Variants in MAP3K5 observed in about 807,000 individuals in gnomAD.
MAP3K5 encodes mitogen-activated protein kinase kinase kinase 5.
In MAP3K5, 56 loss-of-function variants were observed where a neutral mutation model predicts 158.7. That is an observed-to-expected ratio of 0.35 (90% CI 0.28 to 0.44). The LOEUF is 0.44. Among genes scored for constraint, MAP3K5 ranks in the 20% least tolerant of loss-of-function variants. MAP3K5 has a pLI of 1.00. For synonymous variants in MAP3K5, 579 were observed against 601.7 expected (o/e 0.96, Z 0.55); for missense variants, 1,294 against 1,674.8 (o/e 0.77, Z 3.97).
chr6:136,731,246 C>T (rs540158173), intron 1 of MAP3K5, among the ~76,000 whole-genome samples: 6 of 152,178 alleles, frequency 3.9e-5, no homozygotes, highest in East Asian at 3.9e-4. Context: ...CATTTCTAAC[C>T]GATCATTTTG....
At chr6:136,723,803 C>T (rs1217485565) in intron 1 of MAP3K5, among the ~76,000 whole-genome samples, 2 of 152,160 alleles carry the variant, frequency 1.3e-5, no homozygotes, top group Non-Finnish European at 2.9e-5. Context: ...AATGGGAAGA[C>T]AGGTCAAAGG....
chr6:136,711,667 A>C (rs577387820), intron 2 of MAP3K5, among the ~76,000 whole-genome samples: 107 of 116,384 alleles, frequency 9.2e-4, no homozygotes, highest in Non-Finnish European at 1.6e-3. Flanking sequence ...ACCTCTCAAA[A>C]AAAAAAAGAA....
At chr6:136,637,275 A>G (rs1224976033) in intron 14 of MAP3K5, 50 bp downstream of exon 14, 5 of 1,432,958 alleles carry the variant, frequency 3.5e-6, no homozygotes, top group Non-Finnish European at 3.9e-6. Context: ...GGCTTCAAAT[A>G]GTTTGTTTTA....
chr6:136,669,292 G>A lies in MAP3K5; in HGVS notation c.1357C>T (p.Arg453Trp), dbSNP rs376994168. 6.2e-6 allele frequency: 10 copies of A among 1,610,416 alleles called. No individual in the cohort carries two copies. The highest frequency in any genetic ancestry group is 8.5e-6 in the Non-Finnish European group (10 of 1,177,376). ...GHQFESSFEL[R>W]KVGVKLSSLL... ...ATCAAGTTGTAATTACCAACTTTCC[G>A]GAGCTCAAAGGAAGATTCAAACTGG... The change falls in exon 8 of 30, where the codon CGG becomes TGG. Residue 453 changes from arginine (R) to tryptophan (W), a missense_variant. Transcript: ENST00000359015.
chr6:136,716,653 C>T (rs1781542532), intron 2 of MAP3K5, among the ~76,000 whole-genome samples: 2 of 152,166 alleles, frequency 1.3e-5, no homozygotes, highest in South Asian at 2.1e-4. Context: ...ACTTACTCAC[C>T]ACTTACTGAG....
At chr6:136,760,033 T>C (rs138267290) in intron 1 of MAP3K5, among the ~76,000 whole-genome samples, 1,809 of 152,258 alleles carry the variant, frequency 0.012, 28 homozygotes, top group African/African-American at 0.041. Context: ...AAGAGAGAAA[T>C]GAAAATAATT....
At chr6:136,777,538 T>C (rs1387693856) in intron 1 of MAP3K5, among the ~76,000 whole-genome samples, 1 of 152,186 alleles carries the variant, frequency 6.6e-6, no homozygotes, top group African/African-American at 2.4e-5. Flanking sequence ...ATCTAGGAGA[T>C]GTCATGGAAG....
At chr6:136,783,041 C>T (rs1386560916) in intron 1 of MAP3K5, among the ~76,000 whole-genome samples, 3 of 152,164 alleles carry the variant, frequency 2.0e-5, no homozygotes, top group Admixed American at 6.5e-5. Flanking sequence ...CAGTGGCCCA[C>T]GCCTGTAATC....
intron 3 of MAP3K5, among the ~76,000 whole-genome samples, chr6:136,700,269 A>G (rs189168127): frequency 2.4e-4 from 37 of 152,218 alleles, no homozygotes; most frequent in Admixed American, 2.4e-3. Context: ...AAGGGAAGAG[A>G]TATGAGGTTT....
In MAP3K5 at chr6:136,592,307, G is replaced by A; in HGVS notation, c.3091C>T (p.Pro1031Ser). Residue 1031 changes from proline (P) to serine (S), a missense_variant, in exon 23 of 30, where the codon CCT becomes TCT. By Grantham distance (74) the Pro-to-Ser change is moderately conservative (BLOSUM62 -1). Around this residue, in one of 5 missense-constraint regions of MAP3K5, gnomAD observed 362 missense variants for 463.2 expected, o/e 0.78. Coordinates refer to ENST00000359015, the MANE Select transcript of MAP3K5 (RefSeq NM_005923.4). ...GAATCTTTTTCTTCAGGGGAAGGAG[G>A]AGCACTGTGATCTTCAAAATTCTCA... ...PDENFEDHSA[P>S]PSPEEKDSGF... 1.9e-6 allele frequency: 3 copies of A among 1,599,900 alleles called. No homozygotes were observed. The highest frequency in any genetic ancestry group is 1.7e-6 in the Non-Finnish European group (2 of 1,174,238).
chr6:136,637,416 A>T lies in MAP3K5; in HGVS notation c.1935-10T>A. The stretch of plus-strand genomic sequence containing the variant: ...CACCATCTCAAAAAACCTACAATAC[A>T]AGTTAGCACGTGAGCATTCATAACA... On this transcript the variant is annotated splice_polypyrimidine_tract_variant and intron_variant, in intron 13 of 29. Transcript: ENST00000359015. The T allele has an allele frequency of 6.7e-7, 1 of 1,482,120 alleles. No homozygotes were observed. The highest frequency in any genetic ancestry group is 9.4e-7 in the Non-Finnish European group (1 of 1,059,500). 91.8% of individuals were successfully genotyped at this position (1,482,120 alleles called of 1,614,324 possible).
At chr6:136,582,271 T>TACAC (rs1385594552) in intron 24 of MAP3K5, among the ~76,000 whole-genome samples, 1 of 136,410 alleles carries the variant, frequency 7.3e-6, no homozygotes, top group African/African-American at 2.8e-5. Context: ...TACGTGTGTG[T>TACAC]GTGTGTGTGT....
At chr6:136,767,384 G>C (rs1380893286) in intron 1 of MAP3K5, among the ~76,000 whole-genome samples, 1 of 151,976 alleles carries the variant, frequency 6.6e-6, no homozygotes, top group East Asian at 1.9e-4. Context: ...GGGGACTAAA[G>C]GAAGGGAGGG....
Position 136,557,716 on chromosome 6 carries a change from T to C in MAP3K5, c.*42A>G. On this transcript the variant is annotated 3_prime_UTR_variant, in exon 30 of 30. Transcript: ENST00000359015. ...CACCCCCAAGAAGATCAGCTCTGTA[T>C]TAATTTTTAGAATTTCCATCGAAGA... 1 of 1,464,186 alleles carries C rather than the reference T, an allele frequency of 6.8e-7. No individual in the cohort carries two copies. Among genetic ancestry groups the C allele is most frequent in the South Asian group, 1.1e-5 (1 of 88,106 alleles). The allele number at this position is 1,464,186 out of a possible 1,614,324, so 90.7% of individuals were successfully genotyped here.
At chr6:136,763,535 G>GA (rs1215820743) in intron 1 of MAP3K5, among the ~76,000 whole-genome samples, 4 of 151,950 alleles carry the variant, frequency 2.6e-5, no homozygotes, top group Admixed American at 2.0e-4. Flanking sequence ...TTTACAGAGG[G>GA]AAAAAAAAGT....
intron 1 of MAP3K5, among the ~76,000 whole-genome samples, chr6:136,757,593 T>TA (rs1423296741): frequency 6.8e-5 from 10 of 147,582 alleles, no homozygotes; most frequent in Non-Finnish European, 1.5e-4. Context: ...TTTATTTTTT[T>TA]TTTTTTTTTT....
rs780084787 is a variant in MAP3K5 at position 136,562,565 on chromosome 6, T to C, written c.3812A>G (p.His1271Arg). The C allele has an allele frequency of 2.9e-5, 47 of 1,605,298 alleles. No individual in the cohort carries two copies. The highest frequency in any genetic ancestry group is 4.4e-5 in the South Asian group (4 of 90,182). The stretch of plus-strand genomic sequence containing the variant: ...TTGGTCTTTTTCTTCAATAGCTCGA[T>C]GAAGGAGTGCTTGTAATTCTTTCTC... The part of the protein sequence containing the change: ...RKEKELQALL[H>R]RAIEEKDQEI... The change falls in exon 27 of 30, where the codon CAT (histidine) becomes CGT (arginine). Residue 1271 changes from histidine to arginine, a missense_variant. This residue lies in a region of MAP3K5 where 199 missense variants were observed against 220.3 expected (regional missense o/e 0.90). Coordinates refer to ENST00000359015, the MANE Select transcript of MAP3K5 (RefSeq NM_005923.4).
chr6:136,608,368 G>C (rs1280750370), intron 18 of MAP3K5, among the ~76,000 whole-genome samples: 1 of 152,188 alleles, frequency 6.6e-6, no homozygotes, highest in African/African-American at 2.4e-5. Flanking sequence ...TAGACAGTAG[G>C]GGGCAAAAGT....
intron 1 of MAP3K5, among the ~76,000 whole-genome samples, chr6:136,780,583 C>CTTACATTACACT (rs1784575919): frequency 6.6e-6 from 1 of 152,110 alleles, no homozygotes; most frequent in Admixed American, 6.5e-5. Flanking sequence ...TAATGTGGCG[C>CTTACATTACACT]TTCCTGTGAA....
Sources: allele counts gnomAD v4.1 joint callset (sites outside exome capture counted in the v4.1 genomes callset), GRCh38; gene constraint gnomAD v4.1.1; regional missense constraint gnomAD v4.1.1; transcripts MANE v1.5; gene names NCBI Gene and HGNC (gene_info 2026-07-23, HGNC 2026-07-21).